The following CCDC85A variants were observed in gnomAD, a reference collection of about 807,000 sequenced individuals.
The protein encoded by CCDC85A is coiled-coil domain-containing protein 85A.
A neutral mutation model predicts 50.2 loss-of-function variants in CCDC85A; 38 were observed. The observed-to-expected ratio is 0.76, with a 90% CI of 0.58 to 0.99. CCDC85A has a LOEUF of 0.99. Among genes scored for constraint, CCDC85A ranks in the 50% least tolerant of loss-of-function variants. The pLI, the probability that CCDC85A is intolerant of heterozygous loss-of-function variation, is 0.00. For missense variants in CCDC85A, 820 were observed against 742.0 expected, an observed-to-expected ratio of 1.11 and a Z score of -1.22; for synonymous variants, 366 against 301.4, an observed-to-expected ratio of 1.21 and a Z score of -2.22.
At chr2:56,338,600 T>G (rs553310703) in intron 2 of CCDC85A, among the ~76,000 whole-genome samples, 1 of 152,334 alleles carries the variant, frequency 6.6e-6, no homozygotes, top group South Asian at 2.1e-4. Flanking sequence ...TCTTATACTT[T>G]ATTTTATTCT....
intron 4 of CCDC85A, among the ~76,000 whole-genome samples, chr2:56,374,069 A>G (rs1676214077): frequency 6.6e-6 from 1 of 152,238 alleles, no homozygotes. Flanking sequence ...ACAGGAAAAC[A>G]AATGTTTTAA....
At chr2:56,362,050 A>G (rs977159715) in intron 3 of CCDC85A, among the ~76,000 whole-genome samples, 6 of 152,110 alleles carry the variant, frequency 3.9e-5, no homozygotes, top group African/African-American at 1.4e-4. Context: ...GATAGATGGA[A>G]TGTGGACTGT....
chr2:56,345,359 A>T (rs1674584719), intron 3 of CCDC85A, among the ~76,000 whole-genome samples: 1 of 152,220 alleles, frequency 6.6e-6, no homozygotes, highest in South Asian at 2.1e-4. Context: ...CGATGTTACA[A>T]ATGGGAAAAC....
At chr2:56,184,995 A>G (rs1025772599) in intron 1 of CCDC85A, 95 bp downstream of exon 1, 36 of 1,373,256 alleles carry the variant, frequency 2.6e-5, no homozygotes, top group Non-Finnish European at 3.3e-5. Flanking sequence ...CCCTCCCTCA[A>G]CAGGTGACCC....
At chr2:56,333,086 T>C (rs1426049668) in intron 2 of CCDC85A, among the ~76,000 whole-genome samples, 3 of 152,180 alleles carry the variant, frequency 2.0e-5, no homozygotes, top group Admixed American at 6.5e-5. Context: ...ACAGGCCTTA[T>C]ATAATACACA....
At chr2:56,367,858 G>A (rs1364649214) in intron 3 of CCDC85A, among the ~76,000 whole-genome samples, 2 of 152,050 alleles carry the variant, frequency 1.3e-5, no homozygotes, top group Non-Finnish European at 2.9e-5. Context: ...TGTTTTAAAA[G>A]CTCTTTCCAT....
chr2:56,223,441 G>A (rs1668412663), intron 2 of CCDC85A, among the ~76,000 whole-genome samples: 1 of 152,080 alleles, frequency 6.6e-6, no homozygotes, highest in Non-Finnish European at 1.5e-5. Flanking sequence ...GGCCTCTATG[G>A]AGCATTGTTT....
chr2:56,266,598 T>C (rs1255259608), intron 2 of CCDC85A, among the ~76,000 whole-genome samples: 1 of 106,626 alleles, frequency 9.4e-6, no homozygotes, highest in Non-Finnish European at 1.9e-5. Context: ...CCCATAATCT[T>C]CTTCCTCCAA....
At position 56,315,969 on chromosome 2, in the gene CCDC85A, T is replaced by G. The variant is rs115838913; in HGVS notation, c.1241-26910T>G. Reference sequence around the variant, plus strand: ...AGCAACTAATCCCAACTTCCCTCCTTAGTTTGAAGTCAGAATTTTCCCAGC... The same window carrying G: ...AGCAACTAATCCCAACTTCCCTCCTGAGTTTGAAGTCAGAATTTTCCCAGC... On this transcript the variant is annotated intron_variant, in intron 2 of 5. Coordinates refer to ENST00000407595, the MANE Select transcript of CCDC85A (RefSeq NM_001080433.2). Among the ~76,000 whole-genome samples the G allele has an allele frequency of 8.5e-3, 1,297 of 152,146 alleles. 17 individuals are homozygous for G. Among genetic ancestry groups the G allele is most frequent in the African/African-American group, 0.03 (1,240 of 41,516 alleles).
chr2:56,383,263 T>A (rs1209073279), intron 5 of CCDC85A, among the ~76,000 whole-genome samples: 1 of 151,944 alleles, frequency 6.6e-6, no homozygotes, highest in African/African-American at 2.4e-5. Flanking sequence ...AAAGAAACAG[T>A]TTATGAATAA....
chr2:56,366,037 A>G (rs1156363677), intron 3 of CCDC85A, among the ~76,000 whole-genome samples: 1 of 152,062 alleles, frequency 6.6e-6, no homozygotes, highest in Non-Finnish European at 1.5e-5. Context: ...GACTTATTTC[A>G]TTTAGTGTAA....
Position 56,375,811 on chromosome 2 carries a change from C to A in CCDC85A, c.1453-5C>A. 1.2e-6 allele frequency: 2 copies of A among 1,613,026 alleles called. No homozygotes were observed. Among genetic ancestry groups the A allele is most frequent in the Non-Finnish European group, 1.7e-6 (2 of 1,179,578 alleles). ...TAATAACAAAGTTGTTGATTTTCTACTAAGGGTTCTTTTAGGTTGTCATCA... is the reference window on the plus strand; with the variant it reads ...TAATAACAAAGTTGTTGATTTTCTAATAAGGGTTCTTTTAGGTTGTCATCA... On this transcript the variant is annotated splice_polypyrimidine_tract_variant and splice_region_variant and intron_variant, in intron 4 of 5. Transcript: ENST00000407595.
At chr2:56,380,364 C>G (rs72803079) in intron 5 of CCDC85A, among the ~76,000 whole-genome samples, 1 of 151,872 alleles carries the variant, frequency 6.6e-6, no homozygotes, top group East Asian at 1.9e-4. Flanking sequence ...GACCCAAACT[C>G]AGAATATAGT....
At chr2:56,245,112 G>C (rs970722210) in intron 2 of CCDC85A, among the ~76,000 whole-genome samples, 1 of 152,200 alleles carries the variant, frequency 6.6e-6, no homozygotes, top group Non-Finnish European at 1.5e-5. Flanking sequence ...AAGTCCACTG[G>C]CTGTGAGCCC....
At chr2:56,197,963 C>T (rs542598806) in intron 2 of CCDC85A, among the ~76,000 whole-genome samples, 43 of 151,754 alleles carry the variant, frequency 2.8e-4, no homozygotes, top group African/African-American at 9.6e-4. Context: ...ATGTCGGTGA[C>T]GCCTGCACTG....
intron 2 of CCDC85A, among the ~76,000 whole-genome samples, chr2:56,330,243 C>T (rs550136953): frequency 1.3e-5 from 2 of 152,032 alleles, no homozygotes; most frequent in East Asian, 1.9e-4. Context: ...AAATATTTTC[C>T]GTATAGTCCC....
intron 2 of CCDC85A, among the ~76,000 whole-genome samples, chr2:56,289,728 A>T (rs1409938541): frequency 6.6e-6 from 1 of 152,160 alleles, no homozygotes; most frequent in Non-Finnish European, 1.5e-5. Flanking sequence ...AGAGTATGTA[A>T]ACCTCATCTC....
At chr2:56,269,863 G>T (rs1057092744) in intron 2 of CCDC85A, among the ~76,000 whole-genome samples, 1 of 152,066 alleles carries the variant, frequency 6.6e-6, no homozygotes, top group African/African-American at 2.4e-5. Flanking sequence ...GAAAAATAGC[G>T]CTATTATATT....
intron 2 of CCDC85A, among the ~76,000 whole-genome samples, chr2:56,249,150 G>C (rs1186028607): frequency 6.6e-6 from 1 of 152,226 alleles, no homozygotes; most frequent in Non-Finnish European, 1.5e-5. Context: ...CTAGCGGTCT[G>C]GACAATCCAT....
Sources: gnomAD v4.1 joint callset for allele counts (sites outside exome capture counted in the v4.1 genomes callset) on GRCh38, gnomAD v4.1.1 for gene constraint, MANE v1.5 for transcripts, NCBI Gene and HGNC (gene_info 2026-07-23, HGNC 2026-07-21) for gene names.